Variants in FREM2 observed in about 807,000 individuals in gnomAD.
FREM2 encodes FRAS1 related extracellular matrix 2.
A neutral mutation model predicts 219.9 loss-of-function variants in FREM2; 119 were observed. The observed-to-expected ratio is 0.54, with a 90% confidence interval of 0.47 to 0.63. The LOEUF is 0.63. FREM2 is among the 30% of genes least tolerant of loss of function. The probability of loss-of-function intolerance (pLI) is 0.00; values close to 1 mark genes in which losing one functional copy is unlikely to be tolerated. For synonymous variants in FREM2, 1,562 were observed against 1,522.8 expected (o/e 1.03, Z -0.60); for missense variants, 4,030 against 3,993.6 (o/e 1.01, Z -0.25).
chr13:38,859,301 A>C lies in FREM2; in HGVS notation c.7230A>C (p.Lys2410Asn). The part of the protein sequence containing the change: ...PVICITACNP[K>N]YSDYDKTGSI... ...GTTTTCCGTAGGCTTGCAACCCCAAATATTCAGACTACGATAAAACAGGCT... is the reference window on the plus strand; with the variant it reads ...GTTTTCCGTAGGCTTGCAACCCCAACTATTCAGACTACGATAAAACAGGCT... Residue 2410 changes from lysine (K) to asparagine (N), a missense_variant, in exon 14 of 24, where the codon AAA becomes AAC. Physicochemically the swap from Lys to Asn is moderately conservative, Grantham distance 94 (BLOSUM62 0). This residue lies in a region of FREM2 where 928 missense variants were observed against 1,042.9 expected (regional missense o/e 0.89). Coordinates refer to ENST00000280481, the MANE Select transcript of FREM2 (RefSeq NM_207361.6). 6.2e-7 allele frequency: 1 copy of C among 1,614,178 alleles called. No homozygotes were observed. The highest frequency in any genetic ancestry group is 8.5e-7 in the Non-Finnish European group (1 of 1,180,018).
chr13:38,696,769 T>C (rs1870123113), intron 1 of FREM2, among the ~76,000 whole-genome samples: 1 of 152,110 alleles, frequency 6.6e-6, no homozygotes, highest in Admixed American at 6.5e-5. Context: ...AAGGAACATT[T>C]CTGAGGCAAT....
intron 16 of FREM2, among the ~76,000 whole-genome samples, chr13:38,867,693 C>T (rs543559673): frequency 2.6e-5 from 4 of 152,308 alleles, no homozygotes; most frequent in South Asian, 2.1e-4. Flanking sequence ...CAGGTTAAGT[C>T]CCCAAGTCTA....
intron 6 of FREM2, among the ~76,000 whole-genome samples, chr13:38,797,604 T>A (rs1874843057): frequency 6.6e-6 from 1 of 152,166 alleles, no homozygotes; most frequent in African/African-American, 2.4e-5. Context: ...AGAGGCTTTT[T>A]AATTTAATAT....
chr13:38,871,546 G>A (rs1878158425), intron 16 of FREM2, among the ~76,000 whole-genome samples: 1 of 152,120 alleles, frequency 6.6e-6, no homozygotes, highest in African/African-American at 2.4e-5. Context: ...TTTGGAATAC[G>A]ATGAAGTAAG....
Position 38,715,462 on chromosome 13 carries a change from C to G in FREM2, c.5263+17675C>G, listed in dbSNP as rs1870960547. On this transcript the variant is annotated intron_variant, in intron 2 of 23. Coordinates refer to ENST00000280481, the MANE Select transcript of FREM2 (RefSeq NM_207361.6). ...CAGAAGGAGATGCACATGGCCCTTCCTGGCTAATCCAGAGCTCTCCACACA... is the reference window on the plus strand; with the variant it reads ...CAGAAGGAGATGCACATGGCCCTTCGTGGCTAATCCAGAGCTCTCCACACA... 2.6e-5 allele frequency among the ~76,000 whole-genome samples: 4 copies of G among 152,156 alleles called. No homozygotes were observed. The South Asian group carries it at 6.2e-4, about 24-fold the overall frequency.
At chr13:38,746,762 T>C (rs2137787933) in intron 2 of FREM2, among the ~76,000 whole-genome samples, 1 of 152,266 alleles carries the variant, frequency 6.6e-6, no homozygotes, top group Admixed American at 6.5e-5. Flanking sequence ...GTAAAATTGC[T>C]GAGTTGAGTG....
At position 38,851,015 on chromosome 13, in the gene FREM2, C is replaced by A; in HGVS notation, c.6649C>A (p.Leu2217Met). Residue 2217 changes from leucine (L) to methionine (M), a missense_variant, in exon 10 of 24, where the codon CTG becomes ATG. By Grantham distance (15) the Leu-to-Met change is conservative. Around this residue, in one of 2 missense-constraint regions of FREM2, gnomAD observed 3,102 missense variants for 2,950.7 expected, o/e 1.05. Transcript: ENST00000280481. Reference sequence around the variant, plus strand: ...CTATGAGGAGGTAGAGGAGCTCCGCCTGGTACTCGGCACTCCACAAAGCAA... The same window carrying A: ...CTATGAGGAGGTAGAGGAGCTCCGCATGGTACTCGGCACTCCACAAAGCAA... The part of the protein sequence containing the change: ...VLYEEVEELR[L>M]VLGTPQSNSP... 1 of 1,613,972 alleles carries A rather than the reference C, an allele frequency of 6.2e-7. No homozygotes were observed. Among genetic ancestry groups the A allele is most frequent in the Non-Finnish European group, 8.5e-7 (1 of 1,179,986 alleles).
intron 6 of FREM2, among the ~76,000 whole-genome samples, chr13:38,820,271 T>C (rs1875988863): frequency 6.6e-6 from 1 of 152,140 alleles, no homozygotes; most frequent in Non-Finnish European, 1.5e-5. Context: ...TCCTCGTGGA[T>C]AAATATTGTC....
At chr13:38,832,355 C>T (rs1593434472) in intron 6 of FREM2, among the ~76,000 whole-genome samples, 1 of 152,064 alleles carries the variant, frequency 6.6e-6, no homozygotes, top group Admixed American at 6.6e-5. Flanking sequence ...GGGAGAAGTT[C>T]ATCAACATTT....
chr13:38,875,064 G>A (rs1878296507), intron 18 of FREM2, among the ~76,000 whole-genome samples: 1 of 151,902 alleles, frequency 6.6e-6, no homozygotes, highest in South Asian at 2.1e-4. Flanking sequence ...ATAAGTATTG[G>A]CTATGCAATT....
At chr13:38,786,343 A>G (rs1874329255) in intron 6 of FREM2, among the ~76,000 whole-genome samples, 1 of 152,188 alleles carries the variant, frequency 6.6e-6, no homozygotes. Flanking sequence ...ATTAGAAATT[A>G]TTTTATCAAG....
intron 6 of FREM2, among the ~76,000 whole-genome samples, chr13:38,789,384 A>G (rs1669916162): frequency 6.6e-6 from 1 of 151,930 alleles, no homozygotes; most frequent in South Asian, 2.1e-4. Context: ...TAAAATTCTT[A>G]AAAGTCTCTA....
In FREM2 at chr13:38,688,386, G is replaced by A. The variant is rs1228651152; in HGVS notation, c.1042G>A (p.Ala348Thr). 2.5e-6 allele frequency: 4 copies of A among 1,614,048 alleles called. No homozygotes were observed. In the Admixed American group the frequency reaches 5.0e-5, roughly 20 times the overall value. The change falls in exon 1 of 24, where the codon GCT becomes ACT. Residue 348 changes from alanine to threonine, a missense_variant. Ala to Thr is a moderately conservative substitution (Grantham distance 58). This residue lies in a region of FREM2 where 3,102 missense variants were observed against 2,950.7 expected (regional missense o/e 1.05). Transcript: ENST00000280481. ...CCCAGACATGCTGGCAGCCGAGGAT[G>A]CTGAGTCTCCCTCTGACCTGTTGAT... Reference protein sequence around the residue: ...LTPDMLAAEDAESPSDLLIFN... With the variant: ...LTPDMLAAEDTESPSDLLIFN...
intron 16 of FREM2, among the ~76,000 whole-genome samples, chr13:38,872,337 G>T (rs2137933531): frequency 6.6e-6 from 1 of 152,306 alleles, no homozygotes; most frequent in East Asian, 1.9e-4. Flanking sequence ...CCTTTTGGAG[G>T]TGATGAAAAT....
intron 15 of FREM2, among the ~76,000 whole-genome samples, chr13:38,862,192 T>C (rs1169574505): frequency 6.6e-6 from 1 of 152,236 alleles, no homozygotes; most frequent in Non-Finnish European, 1.5e-5. Context: ...CTTGATATGT[T>C]AGTTATATTT....
At chr13:38,777,068 ATATACTT>A (rs1302167938) in intron 4 of FREM2, among the ~76,000 whole-genome samples, 1 of 151,642 alleles carries the variant, frequency 6.6e-6, no homozygotes, top group Non-Finnish European at 1.5e-5. Flanking sequence ...CTAATATACT[ATATACTT>A]TATATACTTT....
intron 2 of FREM2, among the ~76,000 whole-genome samples, chr13:38,728,767 G>A (rs751591058): frequency 6.6e-6 from 1 of 152,204 alleles, no homozygotes; most frequent in African/African-American, 2.4e-5. Context: ...ATGAAATATT[G>A]CATGAAGTAA....
At chr13:38,865,804 G>T (rs75363695) in intron 16 of FREM2, among the ~76,000 whole-genome samples, 6 of 152,284 alleles carry the variant, frequency 3.9e-5, no homozygotes, top group African/African-American at 1.4e-4. Flanking sequence ...CTGGATATTG[G>T]AATCAAGCAA....
At chr13:38,718,827 A>G (rs1048267832) in intron 2 of FREM2, among the ~76,000 whole-genome samples, 1 of 152,242 alleles carries the variant, frequency 6.6e-6, no homozygotes, top group African/African-American at 2.4e-5. Flanking sequence ...AACAGCATGT[A>G]TTAAATACTT....
Sources: allele counts gnomAD v4.1 joint callset (sites outside exome capture counted in the v4.1 genomes callset), GRCh38; gene constraint gnomAD v4.1.1; regional missense constraint gnomAD v4.1.1; transcripts MANE v1.5; gene names NCBI Gene and HGNC (gene_info 2026-07-23, HGNC 2026-07-21).